The following IL4R variants were observed in gnomAD, a reference collection of about 807,000 sequenced individuals.
IL4R encodes the protein interleukin 4 receptor.
IL4R carries 17 observed loss-of-function variants against 41.5 expected under a neutral mutation model. That is an observed-to-expected ratio of 0.41 (90% CI 0.28 to 0.61). The LOEUF (loss-of-function observed/expected upper bound fraction) is 0.61. IL4R is among the 20% of genes least tolerant of loss of function. IL4R has a pLI of 0.31. For synonymous variants in IL4R, 402 were observed against 422.9 expected, an observed-to-expected ratio of 0.95 and a Z score of 0.61; for missense variants, 974 against 1,043.1, an observed-to-expected ratio of 0.93 and a Z score of 0.91.
At chr16:27,324,003 A>C (rs1001189531) in intron 1 of IL4R, among the ~76,000 whole-genome samples, 6 of 152,108 alleles carry the variant, frequency 3.9e-5, no homozygotes, top group Non-Finnish European at 8.8e-5. Context: ...AACCAATGCC[A>C]AGGCTGGTGA....
rs1197881921 is a variant in IL4R, at chr16:27,363,905, G to A, written c.*75G>A. 1.3e-6 allele frequency: 2 copies of A among 1,487,998 alleles called. No individual in the cohort carries two copies. The highest frequency in any genetic ancestry group is 1.8e-6 in the Non-Finnish European group (2 of 1,114,596). The allele number at this position is 1,487,998 out of a possible 1,614,324, so 92.2% of individuals were successfully genotyped here. On this transcript the variant is annotated 3_prime_UTR_variant, in exon 11 of 11. Coordinates refer to ENST00000395762, the MANE Select transcript of IL4R (RefSeq NM_000418.4). ...CATGCCTGGGAAATGCCACCTCCTG[G>A]AAGGCAGCCAGGCTGGCAGATTTCC...
At chr16:27,354,503 C>T (rs569868888) in intron 7 of IL4R, among the ~76,000 whole-genome samples, 2 of 152,314 alleles carry the variant, frequency 1.3e-5, no homozygotes, top group Non-Finnish European at 2.9e-5. Flanking sequence ...AAGACTGTTA[C>T]ATGTTACATG....
chr16:27,344,294 CT>C (rs376395835), intron 4 of IL4R, among the ~76,000 whole-genome samples: 1 of 144,946 alleles, frequency 6.9e-6, no homozygotes, highest in African/African-American at 2.6e-5. Context: ...GACAGTGAGA[CT>C]TTGTCTCAGG....
Position 27,345,056 on chromosome 16 carries a change from G to A in IL4R, c.361+36G>A. On this transcript the variant is annotated intron_variant, in intron 5 of 10. Coordinates refer to ENST00000395762, the MANE Select transcript of IL4R (RefSeq NM_000418.4). This position sits in a 1 kb window ranked among gnomAD's most constrained non-coding sequence, Gnocchi z 4.5. Reference sequence around the variant, plus strand: ...CGGAGTGCGGCAGGGGTGGCTGGGTGTGTTCCCACAGCTGCCTGGGCTGAG... The same window carrying A: ...CGGAGTGCGGCAGGGGTGGCTGGGTATGTTCCCACAGCTGCCTGGGCTGAG... The A allele has an allele frequency of 3.4e-6, 5 of 1,462,620 alleles. No individual in the cohort carries two copies. The highest frequency in any genetic ancestry group is 4.6e-6 in the Non-Finnish European group (5 of 1,079,516). 90.6% of individuals were successfully genotyped at this position (1,462,620 alleles called of 1,614,324 possible).
Position 27,362,604 on chromosome 16 carries a change from G to T in IL4R, c.1252G>T (p.Glu418Ter). 1 of 1,614,156 alleles carries T rather than the reference G, an allele frequency of 6.2e-7. No homozygotes were observed. The highest frequency in any genetic ancestry group is 8.5e-7 in the Non-Finnish European group (1 of 1,180,014). ...ESLFLDLLGE[E>*]NGGFCQQDMG... The stretch of plus-strand genomic sequence containing the variant: ...CCTGTTCCTGGACCTGCTCGGAGAG[G>T]AGAATGGGGGCTTTTGCCAGCAGGA... Residue 418 changes from glutamate (E) to a stop codon, truncating the protein, a stop_gained, in exon 11 of 11, where the codon GAG becomes TAG. Coordinates refer to ENST00000395762, the MANE Select transcript of IL4R (RefSeq NM_000418.4). LOFTEE classifies it low-confidence loss of function (END_TRUNC).
At chr16:27,342,367 G>A in intron 4 of IL4R, 108 bp downstream of exon 4, 3 of 1,335,056 alleles carry the variant, frequency 2.2e-6, no homozygotes, top group African/African-American at 2.9e-5. Flanking sequence ...GCTGAGTATG[G>A]TTTGCTGCTG....
chr16:27,348,611 G>GT (rs1241721698), intron 6 of IL4R, among the ~76,000 whole-genome samples: 1 of 151,962 alleles, frequency 6.6e-6, no homozygotes, highest in African/African-American at 2.4e-5. Flanking sequence ...TGGGAAAAGG[G>GT]TTTTTTTTCT....
Position 27,339,131 on chromosome 16 carries a change from A to G in IL4R, c.-18-1055A>G, listed in dbSNP as rs551924949. On this transcript the variant is annotated intron_variant, in intron 2 of 10. Transcript: ENST00000395762. ...TGGCTCCCCAAAGTGCTGGAAATAC[A>G]GGTGTGAGCTACTGTGTCTGGCCTG... Among the ~76,000 whole-genome samples the G allele has an allele frequency of 3.9e-5, 6 of 152,236 alleles. No homozygotes were observed. The South Asian group carries it at 1.0e-3, about 26-fold the overall frequency.
intron 1 of IL4R, among the ~76,000 whole-genome samples, chr16:27,316,479 G>A (rs2084655794): frequency 1.3e-5 from 2 of 152,240 alleles, no homozygotes; most frequent in African/African-American, 2.4e-5. Context: ...GAGCGTTTGG[G>A]ATTAGATGCC....
intron 10 of IL4R, 43 bp downstream of exon 10, chr16:27,360,858 G>A (rs2086258051): frequency 6.2e-7 from 1 of 1,614,010 alleles, no homozygotes; most frequent in African/African-American, 1.3e-5. Flanking sequence ...GCATTGGGAA[G>A]GTGATAGAAT....
chr16:27,343,446 G>A (rs1284600298), intron 4 of IL4R, among the ~76,000 whole-genome samples: 1 of 150,948 alleles, frequency 6.6e-6, no homozygotes, highest in Non-Finnish European at 1.5e-5. Context: ...TTTTCTTTGA[G>A]ACAGAGTTTC....
At chr16:27,354,776 G>A (rs1403765731) in intron 7 of IL4R, among the ~76,000 whole-genome samples, 5 of 152,226 alleles carry the variant, frequency 3.3e-5, no homozygotes, top group Non-Finnish European at 7.3e-5. Flanking sequence ...CCCTGACCCT[G>A]CCACCGCACA....
In IL4R at chr16:27,345,787, A is replaced by G. The variant is rs3024567; in HGVS notation, c.362-680A>G. Among the ~76,000 whole-genome samples, 2,653 of 151,730 alleles carry G rather than the reference A, an allele frequency of 0.017. 84 individuals carry two copies. Among genetic ancestry groups the G allele is most frequent in the African/African-American group, 0.06 (2,485 of 41,336 alleles). On this transcript the variant is annotated intron_variant, in intron 5 of 10. Coordinates refer to ENST00000395762, the MANE Select transcript of IL4R (RefSeq NM_000418.4). The surrounding 1 kb of genome is among the most constrained non-coding windows in gnomAD (Gnocchi z 4.5). ...GGAGTTCGAGACCAGCCTGGACAAC[A>G]TGGTAAAACCCCGTCTCTACTAAAA...
intron 6 of IL4R, among the ~76,000 whole-genome samples, chr16:27,350,392 G>GT (rs1479996302): frequency 6.6e-6 from 1 of 152,050 alleles, no homozygotes; most frequent in Non-Finnish European, 1.5e-5. Flanking sequence ...AGCTCCCTCT[G>GT]TAATAGGAAA....
At chr16:27,338,844 TTTATTTATTTA>T in intron 2 of IL4R, among the ~76,000 whole-genome samples, 1 of 151,990 alleles carries the variant, frequency 6.6e-6, no homozygotes, top group African/African-American at 2.4e-5. Context: ...CATTAGAAAA[TTTATTTATTTA>T]TTATTTATTT....
At chr16:27,324,755 G>GGA (rs756192594) in intron 1 of IL4R, among the ~76,000 whole-genome samples, 11 of 152,226 alleles carry the variant, frequency 7.2e-5, no homozygotes, top group Non-Finnish European at 1.3e-4. Flanking sequence ...GATCCCGGAT[G>GGA]GAGTTGCCTG....
intron 2 of IL4R, among the ~76,000 whole-genome samples, chr16:27,336,027 A>G (rs1372490885): frequency 6.6e-6 from 1 of 152,080 alleles, no homozygotes; most frequent in Non-Finnish European, 1.5e-5. Flanking sequence ...TTCATTATGG[A>G]GATATGTGAG....
intron 6 of IL4R, 48 bp downstream of exon 6, chr16:27,346,666 G>T (rs2085657354): frequency 6.2e-7 from 1 of 1,602,902 alleles, no homozygotes; most frequent in African/African-American, 1.3e-5. Flanking sequence ...GGGGAACAGG[G>T]TGGGTGACCA....
chr16:27,346,531 C>G lies in IL4R; in HGVS notation c.426C>G (p.Thr142=), dbSNP rs1448741437. The change falls in exon 6 of 11, where the codon ACC becomes ACG. Residue 142 remains threonine (T), a synonymous_variant. Coordinates refer to ENST00000395762, the MANE Select transcript of IL4R (RefSeq NM_000418.4). ...ATGTCTCCGACACTCTGCTGCTGAC[C>G]TGGAGCAACCCGTATCCCCCTGACA... The part of the protein sequence containing the change: ...HTNVSDTLLL[T]WSNPYPPDNY... The G allele has an allele frequency of 1.2e-6, 2 of 1,614,068 alleles. No individual in the cohort carries two copies. Among genetic ancestry groups the G allele is most frequent in the Admixed American group, 1.7e-5 (1 of 60,008 alleles).
Sources: gnomAD v4.1 joint callset for allele counts (sites outside exome capture counted in the v4.1 genomes callset) on GRCh38, gnomAD v4.1.1 for gene constraint, Gnocchi (gnomAD v3.1) non-coding constraint, MANE v1.5 for transcripts, NCBI Gene and HGNC (gene_info 2026-07-23, HGNC 2026-07-21) for gene names.